The following KLHL1 variants were observed in gnomAD, a reference collection of about 807,000 sequenced individuals.
KLHL1 encodes kelch like family member 1, also known as kelch-like protein 1.
In KLHL1, 47 loss-of-function variants were observed where a neutral mutation model predicts 77.7. The ratio of observed to expected loss-of-function variants is 0.60; its 90% CI spans 0.48 to 0.77. The LOEUF (loss-of-function observed/expected upper bound fraction) is 0.77. Ranked by LOEUF, KLHL1 falls within the 30% of genes least tolerant of loss-of-function variation. KLHL1 has a pLI of 0.00. For missense variants in KLHL1, 925 were observed against 910.8 expected, an observed-to-expected ratio of 1.02 and a Z score of -0.20; for synonymous variants, 360 against 325.2, an observed-to-expected ratio of 1.11 and a Z score of -1.15.
chr13:70,107,253 T>C lies in KLHL1; in HGVS notation c.447A>G (p.Lys149=), dbSNP rs777309242. The change falls in exon 1 of 11, where the codon AAA becomes AAG. Residue 149 remains lysine (K), a synonymous_variant. Transcript: ENST00000377844. ...CCTGGCTAGAGTTGTCTGGCTCCACTTTGAGCTCTTGCAGAACCAGCCCTT... is the reference window on the plus strand; with the variant it reads ...CCTGGCTAGAGTTGTCTGGCTCCACCTTGAGCTCTTGCAGAACCAGCCCTT... The part of the protein sequence containing the change: ...HEKGLVLQEL[K]VEPDNSSQAT... 2.2e-5 allele frequency: 35 copies of C among 1,613,912 alleles called. No individual in the cohort carries two copies. Among genetic ancestry groups the C allele is most frequent in the Non-Finnish European group, 2.7e-5 (32 of 1,179,956 alleles).
chr13:69,823,820 C>T (rs186745640), intron 6 of KLHL1, among the ~76,000 whole-genome samples: 54 of 150,956 alleles, frequency 3.6e-4, no homozygotes, highest in Middle Eastern at 3.4e-3. Flanking sequence ...GAAATTTTTT[C>T]TCTCTCTCTC....
chr13:69,944,159 T>C (rs1234192821), intron 3 of KLHL1, among the ~76,000 whole-genome samples: 2 of 152,198 alleles, frequency 1.3e-5, no homozygotes, highest in Non-Finnish European at 2.9e-5. Context: ...ACAAACAATA[T>C]GGTATATGAG....
chr13:70,037,898 C>T (rs1886278758), intron 1 of KLHL1, among the ~76,000 whole-genome samples: 1 of 151,958 alleles, frequency 6.6e-6, no homozygotes, highest in Non-Finnish European at 1.5e-5. Context: ...TGTATAATTC[C>T]CTTTTACCAC....
rs139170267 is a variant in KLHL1 at position 69,794,115 on chromosome 13, T to C, written c.1639+2623A>G. The stretch of plus-strand genomic sequence containing the variant: ...ACCTTCTCATTTAAGCTACCAGCTC[T>C]AAGGTTAAGGCATCCACAGATAAGA... On this transcript the variant is annotated intron_variant, in intron 7 of 10. Coordinates refer to ENST00000377844, the MANE Select transcript of KLHL1 (RefSeq NM_020866.3). Among the ~76,000 whole-genome samples the C allele has an allele frequency of 9.2e-5, 14 of 152,272 alleles. 1 individual carries two copies. The East Asian group carries it at 2.7e-3, about 29-fold the overall frequency.
intron 7 of KLHL1, among the ~76,000 whole-genome samples, chr13:69,743,822 CAG>C (rs1555264733): frequency 1.5e-5 from 1 of 68,138 alleles, no homozygotes; most frequent in African/African-American, 7.0e-5. Flanking sequence ...AACAAAAAAA[CAG>C]AAAAAAAAAA....
chr13:69,999,383 T>C (rs1211112678), intron 1 of KLHL1, among the ~76,000 whole-genome samples: 1 of 152,072 alleles, frequency 6.6e-6, no homozygotes, highest in Non-Finnish European at 1.5e-5. Flanking sequence ...ATCATAGATC[T>C]GCTTTATGCA....
chr13:69,762,781 A>T (rs1875088363), intron 7 of KLHL1, among the ~76,000 whole-genome samples: 1 of 151,318 alleles, frequency 6.6e-6, no homozygotes, highest in South Asian at 2.1e-4. Flanking sequence ...GTCTCTATGA[A>T]CAATAAAACT....
At chr13:69,705,506 A>G (rs951865522) in intron 10 of KLHL1, among the ~76,000 whole-genome samples, 4 of 151,718 alleles carry the variant, frequency 2.6e-5, no homozygotes, top group African/African-American at 9.7e-5. Flanking sequence ...AATTTAGTCC[A>G]CTTACAGGAC....
intron 1 of KLHL1, among the ~76,000 whole-genome samples, chr13:70,073,374 C>T (rs939513732): frequency 2.6e-5 from 4 of 151,974 alleles, no homozygotes; most frequent in Admixed American, 6.6e-5. Flanking sequence ...CACTTGGACA[C>T]AGGAAGGGGA....
chr13:70,011,358 T>C (rs1045422295), intron 1 of KLHL1, among the ~76,000 whole-genome samples: 1 of 152,148 alleles, frequency 6.6e-6, no homozygotes, highest in Non-Finnish European at 1.5e-5. Flanking sequence ...ATATGATTAA[T>C]ATAGAAAGTT....
chr13:69,854,127 T>G (rs553567064), intron 5 of KLHL1, among the ~76,000 whole-genome samples: 1 of 152,166 alleles, frequency 6.6e-6, no homozygotes, highest in East Asian at 1.9e-4. Flanking sequence ...TGCTATTAAT[T>G]TATCAGGCAG....
At chr13:69,773,587 A>C (rs1875683008) in intron 7 of KLHL1, among the ~76,000 whole-genome samples, 1 of 151,970 alleles carries the variant, frequency 6.6e-6, no homozygotes, top group Non-Finnish European at 1.5e-5. Flanking sequence ...ATTAAATTTG[A>C]AGAGATAATT....
At chr13:69,844,531 C>T (rs1332524599) in intron 5 of KLHL1, among the ~76,000 whole-genome samples, 1 of 151,618 alleles carries the variant, frequency 6.6e-6, no homozygotes, top group Non-Finnish European at 1.5e-5. Context: ...ATGACTTCAT[C>T]TAAACCTCAT....
At chr13:69,905,513 A>G (rs1420740274) in intron 4 of KLHL1, among the ~76,000 whole-genome samples, 4 of 152,076 alleles carry the variant, frequency 2.6e-5, no homozygotes, top group Non-Finnish European at 1.5e-5. Context: ...CATGATATAA[A>G]TGATATTAAA....
intron 5 of KLHL1, among the ~76,000 whole-genome samples, chr13:69,867,272 T>C (rs1162607229): frequency 1.3e-5 from 2 of 152,130 alleles, no homozygotes; most frequent in African/African-American, 4.8e-5. Context: ...CTAAATTCTA[T>C]ATATAATAAT....
intron 5 of KLHL1, among the ~76,000 whole-genome samples, chr13:69,850,535 A>G (rs184756910): frequency 2.6e-4 from 40 of 151,486 alleles, no homozygotes; most frequent in Middle Eastern, 6.8e-3. Flanking sequence ...ACTGTCTACG[A>G]CCCTTCCATT....
intron 6 of KLHL1, 47 bp downstream of exon 6, chr13:69,838,929 A>G (rs958632157): frequency 1.6e-6 from 2 of 1,259,366 alleles, no homozygotes. Context: ...AAGCTGCAAC[A>G]CGGTATAACA....
intron 4 of KLHL1, among the ~76,000 whole-genome samples, chr13:69,925,660 GC>G (rs1202090386): frequency 8.5e-6 from 1 of 117,808 alleles, no homozygotes; most frequent in Admixed American, 9.6e-5. Context: ...AATGATTTTT[GC>G]CCTCTGAAAA....
intron 8 of KLHL1, among the ~76,000 whole-genome samples, chr13:69,733,751 A>T (rs1200080312): frequency 6.6e-6 from 1 of 152,190 alleles, no homozygotes; most frequent in Non-Finnish European, 1.5e-5. Flanking sequence ...GTGTGTGGAC[A>T]AATTAGGAAA....
Sources: allele counts gnomAD v4.1 joint callset (sites outside exome capture counted in the v4.1 genomes callset), GRCh38; gene constraint gnomAD v4.1.1; transcripts MANE v1.5; gene names NCBI Gene and HGNC (gene_info 2026-07-23, HGNC 2026-07-21).